SETD5: variants seen among roughly 807,000 people sequenced by gnomAD.
SETD5 encodes the protein SET domain containing 5.
In SETD5, 44 loss-of-function variants were observed where a neutral mutation model predicts 153.3. The ratio of observed to expected loss-of-function variants is 0.29; its 90% CI spans 0.23 to 0.37. The LOEUF (loss-of-function observed/expected upper bound fraction) is 0.37, where lower values mean the gene tolerates loss of function less well. Ranked by LOEUF, SETD5 falls within the 10% of genes least tolerant of loss-of-function variation. SETD5 has a pLI of 1.00. For missense variants in SETD5, 1,544 were observed against 1,768.0 expected (o/e 0.87, Z 2.27); for synonymous variants, 716 against 645.2 (o/e 1.11, Z -1.66).
chr3:9,457,401 A>G (rs2043389971), intron 17 of SETD5, among the ~76,000 whole-genome samples: 1 of 151,934 alleles, frequency 6.6e-6, no homozygotes, highest in Admixed American at 6.6e-5. Context: ...GCAGGAAAAT[A>G]GCATGAACCC....
At chr3:9,468,148 G>A (rs758281529) in intron 18 of SETD5, among the ~76,000 whole-genome samples, 3 of 151,554 alleles carry the variant, frequency 2.0e-5, no homozygotes, top group African/African-American at 2.4e-5. Context: ...GGAATAAGGG[G>A]TAGGGTGCCC....
At chr3:9,405,297 C>T (rs1320490762) in intron 1 of SETD5, among the ~76,000 whole-genome samples, 2 of 152,162 alleles carry the variant, frequency 1.3e-5, no homozygotes. Flanking sequence ...TACATAATAT[C>T]TGCAATTTGT....
intron 2 of SETD5, 107 bp from the exon 3 acceptor site, chr3:9,428,716 C>G (rs1458300905): frequency 2.9e-6 from 1 of 346,774 alleles, no homozygotes; most frequent in African/African-American, 2.1e-5. Flanking sequence ...CCTTAAAAGC[C>G]TTATTCAAGA....
chr3:9,448,710 G>C (rs1374259027), intron 16 of SETD5, 80 bp downstream of exon 16: 28 of 1,358,450 alleles, frequency 2.1e-5, no homozygotes, highest in Non-Finnish European at 2.5e-5. Context: ...CTATCATCAT[G>C]ACATAAATAA....
chr3:9,446,641 C>A (rs934380745), intron 13 of SETD5, among the ~76,000 whole-genome samples: 1 of 151,920 alleles, frequency 6.6e-6, no homozygotes, highest in African/African-American at 2.4e-5. Flanking sequence ...TACAAGCATG[C>A]GCCACCATGC....
chr3:9,431,084 G>A, intron 3 of SETD5: 1 of 985,402 alleles, frequency 1.0e-6, no homozygotes, highest in Non-Finnish European at 1.2e-6. Flanking sequence ...GGTATTAAGT[G>A]CAGCATACTC....
At chr3:9,402,024 A>G (rs1347852436) in intron 1 of SETD5, among the ~76,000 whole-genome samples, 1 of 152,232 alleles carries the variant, frequency 6.6e-6, no homozygotes, top group Non-Finnish European at 1.5e-5. Context: ...ACTGCCAAAA[A>G]TTCCAAAATA....
intron 16 of SETD5, among the ~76,000 whole-genome samples, chr3:9,449,833 T>G (rs1335443871): frequency 6.6e-6 from 1 of 152,212 alleles, no homozygotes; most frequent in Non-Finnish European, 1.5e-5. Context: ...CATTGGTTTG[T>G]TCGGGGAAAC....
chr3:9,458,443 C>T (rs1027811054), intron 17 of SETD5, among the ~76,000 whole-genome samples: 1 of 151,930 alleles, frequency 6.6e-6, no homozygotes, highest in African/African-American at 2.4e-5. Flanking sequence ...AGAGAGAGAC[C>T]CACATCTCTA....
chr3:9,423,459 C>G (rs951970247), intron 1 of SETD5, among the ~76,000 whole-genome samples: 2 of 152,154 alleles, frequency 1.3e-5, no homozygotes, highest in African/African-American at 4.8e-5. Context: ...TAAATTGAAA[C>G]TGTGATGCAT....
At chr3:9,412,799 T>C (rs1366421342) in intron 1 of SETD5, among the ~76,000 whole-genome samples, 1 of 151,736 alleles carries the variant, frequency 6.6e-6, no homozygotes, top group Non-Finnish European at 1.5e-5. Context: ...TGGGGTTTGC[T>C]TTAGATAGAG....
intron 2 of SETD5, among the ~76,000 whole-genome samples, chr3:9,427,595 C>T (rs115015959): frequency 0.026 from 4,009 of 152,222 alleles, 111 homozygotes; most frequent in Admixed American, 0.088. Context: ...TTGACTCAGT[C>T]GGTATCATGT....
In SETD5 at chr3:9,434,225, G is replaced by C; in HGVS notation, c.178-109G>C. 1 of 1,551,432 alleles carries C rather than the reference G, an allele frequency of 6.4e-7. No individual in the cohort carries two copies. Among genetic ancestry groups the C allele is most frequent in the Non-Finnish European group, 8.8e-7 (1 of 1,138,480 alleles). Reference sequence around the variant, plus strand: ...TTTCCATATGTACCATACTTTAGGGGAGAGAGGGGCCAGTGTTTGGACACT... The same window carrying C: ...TTTCCATATGTACCATACTTTAGGGCAGAGAGGGGCCAGTGTTTGGACACT... On this transcript the variant is annotated intron_variant, in intron 4 of 22. Coordinates refer to ENST00000402198, the MANE Select transcript of SETD5 (RefSeq NM_001080517.3). The surrounding 1 kb of genome is among the most constrained non-coding windows in gnomAD (Gnocchi z 5.6).
chr3:9,427,720 A>G (rs745504330), intron 2 of SETD5, among the ~76,000 whole-genome samples: 11 of 152,114 alleles, frequency 7.2e-5, no homozygotes, highest in Admixed American at 1.3e-4. Flanking sequence ...CCTTGTTAAC[A>G]TGGGTCTTTG....
intron 16 of SETD5, 69 bp downstream of exon 16, chr3:9,448,699 C>T: frequency 7.2e-7 from 1 of 1,382,104 alleles, no homozygotes; most frequent in Non-Finnish European, 9.6e-7. Flanking sequence ...GCCTAAGATT[C>T]CTATCATCAT....
At chr3:9,405,005 G>A (rs1207447865) in intron 1 of SETD5, among the ~76,000 whole-genome samples, 1 of 152,208 alleles carries the variant, frequency 6.6e-6, no homozygotes, top group African/African-American at 2.4e-5. Context: ...GACAAAGGGG[G>A]AAAATTGGAT....
Position 9,424,851 on chromosome 3 carries a change from G to A in SETD5, c.-117+325G>A, listed in dbSNP as rs2038911341. Among the ~76,000 whole-genome samples, 3 of 151,932 alleles carry A rather than the reference G, an allele frequency of 2.0e-5. 1 individual carries two copies. The highest frequency in any genetic ancestry group is 4.1e-4 in the South Asian group (2 of 4,822). ...TACTTAGGGAAGGAACTATTCTTAG[G>A]GTAATATTTGAGAAATTTGGGATTA... is the stretch of plus-strand genomic sequence containing the variant. On this transcript the variant is annotated intron_variant, in intron 2 of 22. Transcript: ENST00000402198.
intron 3 of SETD5, chr3:9,431,016 A>G: frequency 1.0e-6 from 1 of 984,844 alleles, no homozygotes; most frequent in South Asian, 4.7e-5. Flanking sequence ...TATTAATGAT[A>G]TTTATTAATG....
At chr3:9,467,198 T>TAA (rs2044689340) in intron 18 of SETD5, among the ~76,000 whole-genome samples, 1 of 45,684 alleles carries the variant, frequency 2.2e-5, no homozygotes, top group Non-Finnish European at 3.8e-5. Context: ...AGACTCTCTC[T>TAA]CAAAAAAAAA....
Sources: gnomAD v4.1 joint callset for allele counts (sites outside exome capture counted in the v4.1 genomes callset) on GRCh38, gnomAD v4.1.1 for gene constraint, Gnocchi (gnomAD v3.1) non-coding constraint, MANE v1.5 for transcripts, NCBI Gene and HGNC (gene_info 2026-07-23, HGNC 2026-07-21) for gene names.